SOD2: variants seen among roughly 807,000 people sequenced by gnomAD.
SOD2 encodes superoxide dismutase 2.
A neutral mutation model predicts 27.0 loss-of-function variants in SOD2; 11 were observed. That is an observed-to-expected ratio of 0.41 (90% CI 0.26 to 0.67). The LOEUF (loss-of-function observed/expected upper bound fraction) is 0.67. SOD2 is among the 30% of genes least tolerant of loss of function. The pLI is 0.34. For missense variants in SOD2, 250 were observed against 274.5 expected, an observed-to-expected ratio of 0.91 and a Z score of 0.63; for synonymous variants, 105 against 103.0, an observed-to-expected ratio of 1.02 and a Z score of -0.12.
chr6:159,684,373 T>C (rs1780089717), intron 4 of SOD2, among the ~76,000 whole-genome samples: 1 of 152,154 alleles, frequency 6.6e-6, no homozygotes, highest in African/African-American at 2.4e-5. Context: ...ATCCCAGCAC[T>C]TCAGGAGGCC....
At chr6:159,736,309 T>G in intron 1 of SOD2, 1 of 1,601,690 alleles carries the variant, frequency 6.2e-7, no homozygotes. Flanking sequence ...TGGGTTTTGG[T>G]TTTGGGTTTT....
chr6:159,709,340 T>C (rs1777686237), intron 1 of SOD2, among the ~76,000 whole-genome samples: 1 of 151,924 alleles, frequency 6.6e-6, no homozygotes, highest in Non-Finnish European at 1.5e-5. Context: ...ACCTACAAAA[T>C]GGGAGAAAAT....
intron 1 of SOD2, chr6:159,726,806 G>A: frequency 7.8e-7 from 1 of 1,289,220 alleles, no homozygotes; most frequent in Non-Finnish European, 1.0e-6. Flanking sequence ...TGCGCCTCAC[G>A]ACTGATGAGA....
intron 1 of SOD2, among the ~76,000 whole-genome samples, chr6:159,701,071 C>T (rs774014926): frequency 1.8e-4 from 27 of 152,136 alleles, no homozygotes; most frequent in Non-Finnish European, 3.4e-4. Context: ...CCCTGTATTC[C>T]ACCCACATGC....
rs1357486419 is a variant in SOD2 at position 159,680,436 on chromosome 6, T to C, written c.*2057A>G. 1 of 152,132 alleles carries C rather than the reference T, an allele frequency of 6.6e-6. No individual in the cohort carries two copies. The highest frequency in any genetic ancestry group is 1.5e-5 in the Non-Finnish European group (1 of 68,020). 9.4% of individuals were successfully genotyped at this position (152,132 alleles called of 1,614,324 possible). ...CATACACACACCGCTTTGGTACTCT[T>C]GTCTCTAATAATTTTTAAAGCCTAC... On this transcript the variant is annotated 3_prime_UTR_variant, in exon 5 of 5. Coordinates refer to ENST00000538183, the MANE Select transcript of SOD2 (RefSeq NM_000636.4).
At chr6:159,734,581 T>C (rs1778791409) in intron 1 of SOD2, among the ~76,000 whole-genome samples, 1 of 152,122 alleles carries the variant, frequency 6.6e-6, no homozygotes, top group Admixed American at 6.6e-5. Context: ...GAGGCTGAGA[T>C]GAGAGTATGA....
intron 2 of SOD2, among the ~76,000 whole-genome samples, chr6:159,689,495 T>C (rs1780349090): frequency 6.6e-6 from 1 of 152,182 alleles, no homozygotes; most frequent in African/African-American, 2.4e-5. Flanking sequence ...GAACTATTAA[T>C]ATTAGAAAAA....
upstream of SOD2, among the ~76,000 whole-genome samples, chr6:159,747,557 T>G (rs150799114): frequency 6.6e-5 from 10 of 152,358 alleles, no homozygotes; most frequent in Admixed American, 5.2e-4. Context: ...GCAACTCTTG[T>G]AGCTATAAGT....
rs11551080 is a variant in SOD2 at position 159,692,692 on chromosome 6, G to C, written c.195C>G (p.Thr65=). The part of the protein sequence containing the change: ...HAAYVNNLNV[T]EEKYQEALAK... Reference sequence around the variant, plus strand: ...CCAACGCCTCCTGGTACTTCTCCTCGGTGACGTTCAGGTTGTTCACGTAGG... The same window carrying C: ...CCAACGCCTCCTGGTACTTCTCCTCCGTGACGTTCAGGTTGTTCACGTAGG... Residue 65 remains threonine (T), a synonymous_variant, in exon 2 of 5, where the codon ACC becomes ACG. Transcript: ENST00000538183. 3 of 1,614,096 alleles carry C rather than the reference G, an allele frequency of 1.9e-6. No homozygotes were observed. Among genetic ancestry groups the C allele is most frequent in the South Asian group, 1.1e-5 (1 of 91,066 alleles).
chr6:159,735,528 G>C (rs1023334466), intron 1 of SOD2, among the ~76,000 whole-genome samples: 2 of 152,104 alleles, frequency 1.3e-5, no homozygotes, highest in African/African-American at 4.8e-5. Context: ...AGGCGGACGG[G>C]TTGCAATGTC....
At chr6:159,704,402 C>A (rs1777582757) in intron 1 of SOD2, among the ~76,000 whole-genome samples, 1 of 152,188 alleles carries the variant, frequency 6.6e-6, no homozygotes, top group Non-Finnish European at 1.5e-5. Flanking sequence ...CAGACGGCAC[C>A]TGGAAAATCG....
At chr6:159,685,404 G>C (rs1409674903) in intron 3 of SOD2, among the ~76,000 whole-genome samples, 1 of 151,472 alleles carries the variant, frequency 6.6e-6, no homozygotes, top group Non-Finnish European at 1.5e-5. Flanking sequence ...CATCACGCCC[G>C]GCTAATTTTG....
At chr6:159,693,385 C>A (rs978452827), upstream of SOD2, 2 of 183,010 alleles carry the variant, frequency 1.1e-5, no homozygotes, top group African/African-American at 4.8e-5. Flanking sequence ...CGGGGGTGCC[C>A]TGCGTGCCTG....
At chr6:159,714,963 G>A (rs547264980) in intron 1 of SOD2, among the ~76,000 whole-genome samples, 2 of 152,162 alleles carry the variant, frequency 1.3e-5, no homozygotes, top group African/African-American at 2.4e-5. Context: ...AGTCATTCCT[G>A]TGTCAGTCCT....
At chr6:159,723,467 T>C (rs1465096812) in intron 1 of SOD2, among the ~76,000 whole-genome samples, 4 of 152,228 alleles carry the variant, frequency 2.6e-5, no homozygotes, top group African/African-American at 9.6e-5. Context: ...ACGAAATACC[T>C]GGCTCATCTT....
intron 1 of SOD2, among the ~76,000 whole-genome samples, chr6:159,757,248 C>T (rs1181975120): frequency 6.6e-6 from 1 of 152,058 alleles, no homozygotes; most frequent in Non-Finnish European, 1.5e-5. Flanking sequence ...ACTTGTAATA[C>T]AATCAAGGAA....
rs1171378749 is a variant in SOD2, at chr6:159,673,535, T to C, written c.*8958A>G. ...CAAAATGAAGGCAGAAATAAAGATG[T>C]TCTTTGAAACCAACGAGAACAAAGA... On this transcript the variant is annotated 3_prime_UTR_variant, in exon 5 of 5. Transcript: ENST00000538183. 6.6e-6 allele frequency: 1 copy of C among 152,138 alleles called. No individual in the cohort carries two copies. Among genetic ancestry groups the C allele is most frequent in the Non-Finnish European group, 1.5e-5 (1 of 68,040 alleles). The allele number at this position is 152,138 out of a possible 1,614,324, so 9.4% of individuals were successfully genotyped here.
chr6:159,748,950 A>G, upstream of SOD2: 6 of 1,100,622 alleles, frequency 5.5e-6, no homozygotes, highest in Non-Finnish European at 6.6e-6. The surrounding 1 kb of genome is among the most constrained non-coding windows in gnomAD (Gnocchi z 5.6). Flanking sequence ...TTTTGCCTTT[A>G]AAGGGTTTAT....
chr6:159,722,320 A>G (rs904152394), intron 1 of SOD2, among the ~76,000 whole-genome samples: 1 of 152,188 alleles, frequency 6.6e-6, no homozygotes, highest in Non-Finnish European at 1.5e-5. Flanking sequence ...GGAGGTCAAG[A>G]CTGCAGTGAG....
Sources: allele counts gnomAD v4.1 joint callset (sites outside exome capture counted in the v4.1 genomes callset), GRCh38; gene constraint gnomAD v4.1.1; non-coding constraint Gnocchi (gnomAD v3.1); transcripts MANE v1.5; gene names NCBI Gene and HGNC (gene_info 2026-07-23, HGNC 2026-07-21).